Variants in BSND observed in about 807,000 individuals in gnomAD.
BSND encodes barttin.
In BSND, 13 loss-of-function variants were observed where a neutral mutation model predicts 18.8. That is an observed-to-expected ratio of 0.69 (90% CI 0.45 to 1.10). BSND has a LOEUF of 1.10. Among genes scored for constraint, BSND ranks in the 50% least tolerant of loss-of-function variants. The probability of loss-of-function intolerance (pLI) is 0.00; values close to 1 mark genes in which losing one functional copy is unlikely to be tolerated. For missense variants in BSND, 379 were observed against 416.7 expected (o/e 0.91, Z 0.79); for synonymous variants, 170 against 161.8 (o/e 1.05, Z -0.39).
intron 3 of BSND, among the ~76,000 whole-genome samples, chr1:55,007,526 C>T (rs908436037): frequency 2.6e-5 from 4 of 152,130 alleles, no homozygotes; most frequent in Non-Finnish European, 4.4e-5. Flanking sequence ...CCTCAGTTTC[C>T]CCACACAGGG....
At chr1:55,005,815 G>A (rs1288389504) in intron 2 of BSND, among the ~76,000 whole-genome samples, 1 of 152,014 alleles carries the variant, frequency 6.6e-6, no homozygotes, top group Non-Finnish European at 1.5e-5. Flanking sequence ...GAGAAGTGTA[G>A]TCACTAGCCC....
In BSND at chr1:55,008,508, G is replaced by A. The variant is rs373929319; in HGVS notation, c.843G>A (p.Ser281=). Residue 281 remains serine, a synonymous_variant, in exon 4 of 4, where the codon TCG becomes TCA. Transcript: ENST00000651561. ...PRTKVEEKEA[S]DTGGEEPEKE... ...CAAAGGTGGAGGAGAAGGAGGCTTC[G>A]GACACAGGTGGGGAGGAACCTGAGA... The A allele has an allele frequency of 6.4e-5, 103 of 1,614,224 alleles. No homozygotes were observed. The highest frequency in any genetic ancestry group is 9.3e-5 in the African/African-American group (7 of 75,058).
rs1343489180 is a variant in BSND, at chr1:55,016,246, CAG to C, written c.*7628_*7629del. 1.3e-5 allele frequency among the ~76,000 whole-genome samples: 2 copies of C among 151,946 alleles called. No individual in the cohort carries two copies. The highest frequency in any genetic ancestry group is 1.5e-5 in the Non-Finnish European group (1 of 67,942). On this transcript the variant is annotated 3_prime_UTR_variant, in exon 4 of 4. Coordinates refer to ENST00000651561, the MANE Select transcript of BSND (RefSeq NM_057176.3). The stretch of plus-strand genomic sequence containing the variant: ...AGAGAGACAGATGGAGAGAGAGAGA[CAG>C]AGAGAGAGAACTAGAAATCAGACAG...
At position 54,999,238 on chromosome 1, in the gene BSND, C is replaced by G. The variant is rs754403589; in HGVS notation, c.52C>G (p.Leu18Val). Residue 18 changes from leucine (L) to valine (V), a missense_variant, in exon 1 of 4, where the codon CTG (leucine) becomes GTG (valine). Physicochemically the swap from Leu to Val is conservative, Grantham distance 32. Transcript: ENST00000651561. ...RIGFIVLGLF[L>V]LALGTFLMSH... ...CGGCTTCATTGTGCTGGGGCTTTTC[C>G]TGCTGGCCCTCGGTACGTTCCTCAT... The G allele has an allele frequency of 3.5e-5, 57 of 1,614,034 alleles. 1 individual carries two copies. In the South Asian group the frequency reaches 6.3e-4, roughly 18 times the overall value.
Position 55,009,173 on chromosome 1 carries a change from AG to A in BSND, c.*546del, listed in dbSNP as rs1644408893. 5.8e-6 allele frequency: 1 copy of A among 172,792 alleles called. No individual in the cohort carries two copies. Among genetic ancestry groups the A allele is most frequent in the East Asian group, 1.6e-4 (1 of 6,340 alleles). 10.7% of individuals were successfully genotyped at this position (172,792 alleles called of 1,614,324 possible). On this transcript the variant is annotated 3_prime_UTR_variant, in exon 4 of 4. Transcript: ENST00000651561. ...TCTCTGCTCCTCCAGTTCCAAGCCT[AG>A]CCCCCCTGCCCATCTTGCGGCTCAC...
At chr1:55,003,058 C>T (rs117511337) in intron 1 of BSND, among the ~76,000 whole-genome samples, 3 of 1,030 alleles carry the variant, frequency 2.9e-3, no homozygotes, top group Non-Finnish European at 1.8e-3. Flanking sequence ...ATGATGGTGA[C>T]GGTGATGATG....
At position 55,016,453 on chromosome 1, in the gene BSND, G is replaced by A. The variant is rs1438357047; in HGVS notation, c.*7825G>A. Among the ~76,000 whole-genome samples, 1 of 152,268 alleles carries A rather than the reference G, an allele frequency of 6.6e-6. No individual in the cohort carries two copies. Among genetic ancestry groups the A allele is most frequent in the East Asian group, 1.9e-4 (1 of 5,206 alleles). ...TAATAATAGGTGGAGCTGGCAGAAT[G>A]TGGAGGAACAGAGCTCTTTCTGACG... On this transcript the variant is annotated 3_prime_UTR_variant, in exon 4 of 4. Transcript: ENST00000651561.
At position 54,999,259 on chromosome 1, in the gene BSND, C is replaced by T; in HGVS notation, c.73C>T (p.Leu25Phe). The T allele has an allele frequency of 6.2e-7, 1 of 1,614,138 alleles. No individual in the cohort carries two copies. The highest frequency in any genetic ancestry group is 8.5e-7 in the Non-Finnish European group (1 of 1,180,016). Residue 25 changes from leucine (L) to phenylalanine (F), a missense_variant, in exon 1 of 4, where the codon CTC (leucine) becomes TTC (phenylalanine). Leu to Phe is a conservative substitution (Grantham distance 22). Coordinates refer to ENST00000651561, the MANE Select transcript of BSND (RefSeq NM_057176.3). ...GLFLLALGTF[L>F]MSHDRPQVYG... The stretch of plus-strand genomic sequence containing the variant: ...TTTCCTGCTGGCCCTCGGTACGTTC[C>T]TCATGAGCCATGATCGGCCCCAGGT...
rs777656311 is a variant in BSND, at chr1:54,999,293, C to T, written c.107C>T (p.Thr36Ile). The T allele has an allele frequency of 3.7e-6, 6 of 1,613,978 alleles. No homozygotes were observed. Among genetic ancestry groups the T allele is most frequent in the Non-Finnish European group, 5.1e-6 (6 of 1,180,018 alleles). The change falls in exon 1 of 4, where the codon ACC becomes ATC. Residue 36 changes from threonine to isoleucine, a missense_variant. By Grantham distance (89) the Thr-to-Ile change is moderately conservative. Transcript: ENST00000651561. The part of the protein sequence containing the change: ...MSHDRPQVYG[T>I]FYAMGSVMVI... Reference sequence around the variant, plus strand: ...CATGATCGGCCCCAGGTCTACGGCACCTTCTATGCCATGGGCAGCGTCATG... The same window carrying T: ...CATGATCGGCCCCAGGTCTACGGCATCTTCTATGCCATGGGCAGCGTCATG...
chr1:55,006,402 T>C (rs552853080), intron 2 of BSND, among the ~76,000 whole-genome samples: 1 of 152,288 alleles, frequency 6.6e-6, no homozygotes, highest in African/African-American at 2.4e-5. Flanking sequence ...GAACATGATA[T>C]CTGGAGCTCC....
intron 2 of BSND, among the ~76,000 whole-genome samples, chr1:55,005,709 A>G (rs1208462968): frequency 6.6e-6 from 1 of 152,250 alleles, no homozygotes; most frequent in African/African-American, 2.4e-5. Context: ...TCTGTGTGCC[A>G]GAGACTGAGT....
rs548471768 is a variant in BSND, at chr1:55,014,272, G to A, written c.*5644G>A. On this transcript the variant is annotated 3_prime_UTR_variant, in exon 4 of 4. Transcript: ENST00000651561. ...TGGACTCCTAGCCCAGGGCTGAGGA[G>A]CACCAGCTTTGGAGTAAACAGCGCT... Among the ~76,000 whole-genome samples, 7 of 152,374 alleles carry A rather than the reference G, an allele frequency of 4.6e-5. No individual in the cohort carries two copies. The highest frequency in any genetic ancestry group is 1.4e-4 in the African/African-American group (6 of 41,586).
intron 1 of BSND, 27 bp downstream of exon 1, chr1:54,999,390 C>A: frequency 6.3e-7 from 1 of 1,593,434 alleles, no homozygotes; most frequent in South Asian, 1.1e-5. Flanking sequence ...CTGGGTGGGG[C>A]CAGGTCAGCT....
In BSND at chr1:55,011,749, C is replaced by T. The variant is rs1371599009; in HGVS notation, c.*3121C>T. ...TCTATGACTGGGTGTCTTCTTCAAC[C>T]TTATCTAGGATAAAATAAAATCATA... On this transcript the variant is annotated 3_prime_UTR_variant, in exon 4 of 4. Coordinates refer to ENST00000651561, the MANE Select transcript of BSND (RefSeq NM_057176.3). 2 of 152,218 alleles carry T rather than the reference C, an allele frequency of 1.3e-5. No homozygotes were observed. The highest frequency in any genetic ancestry group is 2.9e-5 in the Non-Finnish European group (2 of 68,052). 9.4% of individuals were successfully genotyped at this position (152,218 alleles called of 1,614,324 possible).
Position 55,008,714 on chromosome 1 carries a change from A to G in BSND, c.*86A>G. 6.3e-7 allele frequency: 1 copy of G among 1,579,152 alleles called. No homozygotes were observed. Among genetic ancestry groups the G allele is most frequent in the Non-Finnish European group, 8.7e-7 (1 of 1,151,130 alleles). On this transcript the variant is annotated 3_prime_UTR_variant, in exon 4 of 4. Coordinates refer to ENST00000651561, the MANE Select transcript of BSND (RefSeq NM_057176.3). ...GGGCCTCAGTTTCCCTATCTGCAAA[A>G]TGGGATGATATGGAGGTTCAATGAG...
At chr1:55,003,427 C>T (rs901528104) in intron 1 of BSND, among the ~76,000 whole-genome samples, 1 of 152,078 alleles carries the variant, frequency 6.6e-6, no homozygotes, top group Non-Finnish European at 1.5e-5. Context: ...GTAGAGACAG[C>T]GTCTTTCTTC....
intron 2 of BSND, 38 bp from the exon 3 acceptor site, chr1:55,006,959 G>A: frequency 6.2e-7 from 1 of 1,612,870 alleles, no homozygotes. Context: ...TTTGCTGAGT[G>A]ACTCTTTGCC....
rs762085585 is a variant in BSND, at chr1:55,014,018, C to A, written c.*5390C>A. Among the ~76,000 whole-genome samples, 2 of 152,192 alleles carry A rather than the reference C, an allele frequency of 1.3e-5. No homozygotes were observed. Among genetic ancestry groups the A allele is most frequent in the Non-Finnish European group, 2.9e-5 (2 of 68,034 alleles). Reference sequence around the variant, plus strand: ...TCCATCTCCACTGCACCCTCTCCTCCGAATCCCTCCTAAACTGTGTGCCCC... The same window carrying A: ...TCCATCTCCACTGCACCCTCTCCTCAGAATCCCTCCTAAACTGTGTGCCCC... On this transcript the variant is annotated 3_prime_UTR_variant, in exon 4 of 4. Coordinates refer to ENST00000651561, the MANE Select transcript of BSND (RefSeq NM_057176.3).
chr1:55,011,980 GGT>G lies in BSND; in HGVS notation c.*3360_*3361del, dbSNP rs1376969561. On this transcript the variant is annotated 3_prime_UTR_variant, in exon 4 of 4. Transcript: ENST00000651561. ...TTCTAGCGTTCAGCTCCAGGCTCCA[GGT>G]GTGTGTGCCAGGGTGAAAATTCCTG... Among the ~76,000 whole-genome samples, 1 of 152,182 alleles carries G rather than the reference GGT, an allele frequency of 6.6e-6. No homozygotes were observed. The highest frequency in any genetic ancestry group is 1.5e-5 in the Non-Finnish European group (1 of 68,020).
Sources: allele counts gnomAD v4.1 joint callset (sites outside exome capture counted in the v4.1 genomes callset), GRCh38; gene constraint gnomAD v4.1.1; transcripts MANE v1.5; gene names NCBI Gene and HGNC (gene_info 2026-07-23, HGNC 2026-07-21).